The following BTBD9 variants were observed in gnomAD, a reference collection of about 807,000 sequenced individuals.
The protein encoded by BTBD9 is BTB domain containing 9.
Under a neutral mutation model 64.3 loss-of-function variants are expected in BTBD9, and 49 were observed. The observed-to-expected ratio is 0.76, with a 90% CI of 0.61 to 0.97. The LOEUF (loss-of-function observed/expected upper bound fraction) is 0.97, where lower values mean the gene tolerates loss of function less well. Among genes scored for constraint, BTBD9 ranks in the 50% least tolerant of loss-of-function variants. The probability of loss-of-function intolerance (pLI) is 0.00; values close to 1 mark genes in which losing one functional copy is unlikely to be tolerated. For synonymous variants in BTBD9, 260 were observed against 274.7 expected, an observed-to-expected ratio of 0.95 and a Z score of 0.53; for missense variants, 598 against 762.1, an observed-to-expected ratio of 0.78 and a Z score of 2.53.
intron 6 of BTBD9, among the ~76,000 whole-genome samples, chr6:38,440,982 T>C (rs1769004017): frequency 6.6e-6 from 1 of 152,220 alleles, no homozygotes; most frequent in African/African-American, 2.4e-5. Context: ...TAATCCATTT[T>C]ATCATATGCT....
At chr6:38,514,458 A>T (rs1772919386) in intron 6 of BTBD9, among the ~76,000 whole-genome samples, 1 of 152,256 alleles carries the variant, frequency 6.6e-6, no homozygotes, top group South Asian at 2.1e-4. Context: ...TATGCTGCTC[A>T]AATTGAGTAT....
Position 38,169,762 on chromosome 6 carries a change from C to T in BTBD9, c.*5223G>A, listed in dbSNP as rs949062235. ...TGGCTGCAGGGCCTCCTCCACCCCC[C>T]CTCCCCCCCGCCCATTCAGGGCTAT... On this transcript the variant is annotated 3_prime_UTR_variant, in exon 11 of 11. Transcript: ENST00000481247. 1 of 146,544 alleles carries T rather than the reference C, an allele frequency of 6.8e-6. No individual in the cohort carries two copies. The highest frequency in any genetic ancestry group is 1.5e-5 in the Non-Finnish European group (1 of 64,950). The allele number at this position is 146,544 out of a possible 1,614,324, so 9.1% of individuals were successfully genotyped here.
intron 6 of BTBD9, among the ~76,000 whole-genome samples, chr6:38,499,646 A>G (rs1772107168): frequency 6.6e-6 from 1 of 152,232 alleles, no homozygotes; most frequent in South Asian, 2.1e-4. Flanking sequence ...CACTTCACAA[A>G]CAGTAATGAA....
intron 7 of BTBD9, among the ~76,000 whole-genome samples, chr6:38,310,266 G>A (rs184136050): frequency 1.3e-5 from 2 of 152,160 alleles, no homozygotes; most frequent in Admixed American, 6.5e-5. Context: ...TGAGGCACCA[G>A]TCCAGGTCTG....
At position 38,594,000 on chromosome 6, in the gene BTBD9, T is replaced by C. The variant is rs771966877; in HGVS notation, c.513A>G (p.Glu171=). 1.9e-6 allele frequency: 3 copies of C among 1,614,026 alleles called. No individual in the cohort carries two copies. The highest frequency in any genetic ancestry group is 1.1e-5 in the South Asian group (1 of 90,990). ...CCMFMDRNAQ[E]VLSSEGFLSL... Reference sequence around the variant, plus strand: ...AGAGGAAACCTTCACTTGAGAGGACTTCCTGAGCATTCCTATCCATAAACA... The same window carrying C: ...AGAGGAAACCTTCACTTGAGAGGACCTCCTGAGCATTCCTATCCATAAACA... The change falls in exon 3 of 11, where the codon GAA becomes GAG. Residue 171 remains glutamate, a synonymous_variant. Coordinates refer to ENST00000481247, the MANE Select transcript of BTBD9 (RefSeq NM_001099272.2).
chr6:38,598,579 A>G, intron 1 of BTBD9, among the ~76,000 whole-genome samples: 1 of 152,198 alleles, frequency 6.6e-6, no homozygotes, highest in African/African-American at 2.4e-5. Flanking sequence ...CAGATTTCAA[A>G]TAAGAAGTTT....
In BTBD9 at chr6:38,577,731, A is replaced by C. The variant is rs756099080; in HGVS notation, c.1035-12T>G. ...AGTATGAGTAAGACCTGTGAATCAA[A>C]AGGAAAAAGCAGAAAAAAATTACCA... On this transcript the variant is annotated splice_polypyrimidine_tract_variant and intron_variant, in intron 5 of 10. Coordinates refer to ENST00000481247, the MANE Select transcript of BTBD9 (RefSeq NM_001099272.2). 3.1e-6 allele frequency: 5 copies of C among 1,599,326 alleles called. No individual in the cohort carries two copies. The South Asian group carries it at 5.6e-5, about 18-fold the overall frequency.
chr6:38,428,395 C>G (rs913097646), intron 6 of BTBD9, among the ~76,000 whole-genome samples: 1 of 151,276 alleles, frequency 6.6e-6, no homozygotes, highest in Admixed American at 6.6e-5. Flanking sequence ...TAATGCCCCA[C>G]CCCCACCCAC....
At chr6:38,432,980 T>C (rs1768510588) in intron 6 of BTBD9, among the ~76,000 whole-genome samples, 1 of 152,004 alleles carries the variant, frequency 6.6e-6, no homozygotes, top group Admixed American at 6.6e-5. Context: ...ACTGGGTGAT[T>C]ATATTTCTTT....
At chr6:38,383,753 C>G (rs1205955359) in intron 6 of BTBD9, among the ~76,000 whole-genome samples, 1 of 152,210 alleles carries the variant, frequency 6.6e-6, no homozygotes, top group African/African-American at 2.4e-5. Flanking sequence ...ATCTGTTACA[C>G]TAAACGGTGA....
chr6:38,408,217 GTGTAGTGACA>G (rs1472881196), intron 6 of BTBD9, among the ~76,000 whole-genome samples: 1 of 152,054 alleles, frequency 6.6e-6, no homozygotes, highest in Non-Finnish European at 1.5e-5. Flanking sequence ...AATTAGTTAG[GTGTAGTGACA>G]TGCACCTGCA....
intron 7 of BTBD9, among the ~76,000 whole-genome samples, chr6:38,299,484 G>A (rs1762301403): frequency 6.6e-6 from 1 of 152,190 alleles, no homozygotes; most frequent in Non-Finnish European, 1.5e-5. Context: ...CAGTGTAAAA[G>A]TGTTCCTATT....
At chr6:38,564,126 T>C (rs1775376127) in intron 6 of BTBD9, among the ~76,000 whole-genome samples, 1 of 152,172 alleles carries the variant, frequency 6.6e-6, no homozygotes, top group African/African-American at 2.4e-5. Flanking sequence ...CAAAGATCTC[T>C]TCCCTGAAGG....
intron 9 of BTBD9, among the ~76,000 whole-genome samples, chr6:38,253,348 G>C (rs150492552): frequency 3.3e-4 from 50 of 152,282 alleles, no homozygotes; most frequent in African/African-American, 1.1e-3. Context: ...AGAGAGAAGA[G>C]TGAAGAACTT....
chr6:38,249,135 T>C (rs1764304247), intron 9 of BTBD9, among the ~76,000 whole-genome samples: 1 of 152,238 alleles, frequency 6.6e-6, no homozygotes, highest in South Asian at 2.1e-4. Flanking sequence ...AACTGAATTC[T>C]ATACCCAGTC....
At chr6:38,223,753 A>G (rs1400742312) in intron 9 of BTBD9, among the ~76,000 whole-genome samples, 3 of 146,026 alleles carry the variant, frequency 2.1e-5, no homozygotes, top group Non-Finnish European at 4.5e-5. Flanking sequence ...ATTTTCTTCC[A>G]TTTCCTTTTT....
At chr6:38,610,024 T>G (rs1453415837) in intron 1 of BTBD9, among the ~76,000 whole-genome samples, 2 of 152,212 alleles carry the variant, frequency 1.3e-5, no homozygotes, top group Non-Finnish European at 2.9e-5. Flanking sequence ...ATTTACACTT[T>G]ATAAGCAGAA....
At chr6:38,534,933 G>T (rs1773956970) in intron 6 of BTBD9, among the ~76,000 whole-genome samples, 1 of 152,026 alleles carries the variant, frequency 6.6e-6, no homozygotes, top group African/African-American at 2.4e-5. Context: ...AGGAAAAACT[G>T]AAATCATTTC....
At position 38,531,282 on chromosome 6, in the gene BTBD9, G is replaced by A. The variant is rs149890220; in HGVS notation, c.1154+46318C>T. ...AAACCTCACAGGCCAGGAGAGAGTC[G>A]CATGACATATTTAAAGTACTGAAGG... is the stretch of plus-strand genomic sequence containing the variant. On this transcript the variant is annotated intron_variant, in intron 6 of 10. Transcript: ENST00000481247. Among the ~76,000 whole-genome samples, 423 of 152,234 alleles carry A rather than the reference G, an allele frequency of 2.8e-3. 3 individuals carry two copies. Among genetic ancestry groups the A allele is most frequent in the African/African-American group, 9.4e-3 (390 of 41,528 alleles).
Sources: allele counts gnomAD v4.1 joint callset (sites outside exome capture counted in the v4.1 genomes callset), GRCh38; gene constraint gnomAD v4.1.1; transcripts MANE v1.5; gene names NCBI Gene and HGNC (gene_info 2026-07-23, HGNC 2026-07-21).